The following RCAN2 variants were observed in gnomAD, a reference collection of about 807,000 sequenced individuals.
RCAN2 encodes the protein calcipressin-2.
A neutral mutation model predicts 23.6 loss-of-function variants in RCAN2; 9 were observed. The observed-to-expected ratio is 0.38, with a 90% CI of 0.23 to 0.67. The LOEUF (loss-of-function observed/expected upper bound fraction) is 0.67. Among genes scored for constraint, RCAN2 ranks in the 30% least tolerant of loss-of-function variants. The pLI, the probability that RCAN2 is intolerant of heterozygous loss-of-function variation, is 0.51. For synonymous variants in RCAN2, 109 were observed against 115.7 expected, an observed-to-expected ratio of 0.94 and a Z score of 0.37; for missense variants, 273 against 302.3, an observed-to-expected ratio of 0.90 and a Z score of 0.72.
At chr6:46,252,998 C>T (rs1766786853) in intron 2 of RCAN2, among the ~76,000 whole-genome samples, 1 of 152,142 alleles carries the variant, frequency 6.6e-6, no homozygotes, top group African/African-American at 2.4e-5. Context: ...ATCCATTTAT[C>T]TATTTTTCAC....
chr6:46,250,505 T>G (rs1164368730), intron 2 of RCAN2, among the ~76,000 whole-genome samples: 3 of 152,182 alleles, frequency 2.0e-5, no homozygotes, highest in Admixed American at 1.3e-4. Flanking sequence ...GAATTTTAAC[T>G]AGGAATGGAC....
intron 2 of RCAN2, among the ~76,000 whole-genome samples, chr6:46,453,282 C>G (rs188814040): frequency 1.3e-4 from 20 of 152,190 alleles, no homozygotes; most frequent in Admixed American, 1.2e-3. Flanking sequence ...AGCTGTAGCA[C>G]GCACACAGCA....
rs1287718257 is a variant in RCAN2 at position 46,318,591 on chromosome 6, A to G, written c.226-69695T>C. ...TTTCTATTCAACTCACTTGCCAAGAATCTTCTTTGGGCCCTTAATCCCTTG... is the reference window on the plus strand; with the variant it reads ...TTTCTATTCAACTCACTTGCCAAGAGTCTTCTTTGGGCCCTTAATCCCTTG... On this transcript the variant is annotated intron_variant, in intron 2 of 4. Coordinates refer to ENST00000371374, the MANE Select transcript of RCAN2 (RefSeq NM_001251974.2). 2.0e-5 allele frequency among the ~76,000 whole-genome samples: 3 copies of G among 152,112 alleles called. No individual in the cohort carries two copies. The South Asian group carries it at 6.2e-4, about 32-fold the overall frequency.
intron 2 of RCAN2, among the ~76,000 whole-genome samples, chr6:46,256,067 G>C (rs1399033145): frequency 6.6e-6 from 1 of 152,092 alleles, no homozygotes; most frequent in African/African-American, 2.4e-5. Flanking sequence ...GAAAGTGGGA[G>C]AGGTTAGAAT....
intron 2 of RCAN2, among the ~76,000 whole-genome samples, chr6:46,364,365 C>T (rs1218531771): frequency 6.6e-6 from 1 of 152,070 alleles, no homozygotes; most frequent in Non-Finnish European, 1.5e-5. Context: ...AATATCACTT[C>T]CAAAAGTACA....
At chr6:46,417,762 T>G (rs1042378374) in intron 2 of RCAN2, among the ~76,000 whole-genome samples, 3 of 152,320 alleles carry the variant, frequency 2.0e-5, no homozygotes, top group Admixed American at 2.0e-4. Flanking sequence ...AACGCTGTCT[T>G]AAGTATTTGT....
At chr6:46,233,294 C>A (rs1029256181) in intron 4 of RCAN2, among the ~76,000 whole-genome samples, 4 of 152,210 alleles carry the variant, frequency 2.6e-5, no homozygotes, top group Non-Finnish European at 4.4e-5. Flanking sequence ...ATGAAAGACA[C>A]CATCCAAAGA....
At chr6:46,274,002 C>A (rs1337617621) in intron 2 of RCAN2, among the ~76,000 whole-genome samples, 2 of 152,104 alleles carry the variant, frequency 1.3e-5, no homozygotes, top group South Asian at 2.1e-4. Flanking sequence ...GATGAGGAGT[C>A]AGCTGAATGG....
At chr6:46,300,580 C>G (rs1762874205) in intron 2 of RCAN2, among the ~76,000 whole-genome samples, 1 of 151,976 alleles carries the variant, frequency 6.6e-6, no homozygotes, top group South Asian at 2.1e-4. Context: ...CTCATATGCT[C>G]TATTGTTACC....
chr6:46,245,733 G>T (rs767307808), intron 4 of RCAN2, among the ~76,000 whole-genome samples: 1 of 152,148 alleles, frequency 6.6e-6, no homozygotes, highest in Non-Finnish European at 1.5e-5. Flanking sequence ...AAAATGTACT[G>T]ATACCTGAAC....
intron 2 of RCAN2, among the ~76,000 whole-genome samples, chr6:46,321,784 G>C (rs910143212): frequency 1.3e-5 from 2 of 152,326 alleles, no homozygotes; most frequent in Admixed American, 6.5e-5. Flanking sequence ...CTGCAGGTGT[G>C]GAGAACTGAA....
intron 2 of RCAN2, among the ~76,000 whole-genome samples, chr6:46,257,625 G>T (rs1766962350): frequency 6.6e-6 from 1 of 152,078 alleles, no homozygotes; most frequent in African/African-American, 2.4e-5. Flanking sequence ...GAACAGCATG[G>T]GGAAAACTGT....
At chr6:46,402,062 A>G (rs1479740159) in intron 2 of RCAN2, among the ~76,000 whole-genome samples, 1 of 152,226 alleles carries the variant, frequency 6.6e-6, no homozygotes, top group Non-Finnish European at 1.5e-5. Flanking sequence ...GACATAAAAA[A>G]CAGTGCTTGT....
At chr6:46,257,279 G>A (rs2150323635) in intron 2 of RCAN2, among the ~76,000 whole-genome samples, 1 of 152,150 alleles carries the variant, frequency 6.6e-6, no homozygotes, top group South Asian at 2.1e-4. Flanking sequence ...CAGACAGGTG[G>A]CAGACAAATC....
At chr6:46,266,211 C>T (rs1455176674) in intron 2 of RCAN2, among the ~76,000 whole-genome samples, 1 of 152,148 alleles carries the variant, frequency 6.6e-6, no homozygotes, top group Non-Finnish European at 1.5e-5. Context: ...CACTTCCTGA[C>T]TCTGAATAAA....
At chr6:46,333,747 CTG>C (rs1230765267) in intron 2 of RCAN2, among the ~76,000 whole-genome samples, 1 of 152,198 alleles carries the variant, frequency 6.6e-6, no homozygotes, top group East Asian at 1.9e-4. Flanking sequence ...ATTTCTCTTT[CTG>C]TAGGCGCACA....
chr6:46,378,401 G>A (rs1306839677), intron 2 of RCAN2, among the ~76,000 whole-genome samples: 1 of 152,110 alleles, frequency 6.6e-6, no homozygotes, highest in Admixed American at 6.6e-5. Flanking sequence ...AAAGATGGTA[G>A]GTGCTATTAG....
At position 46,227,064 on chromosome 6, in the gene RCAN2, G is replaced by C. The variant is rs530911280; in HGVS notation, c.572-3763C>G. Among the ~76,000 whole-genome samples, 7 of 152,202 alleles carry C rather than the reference G, an allele frequency of 4.6e-5. No homozygotes were observed. The East Asian group carries it at 9.6e-4, about 21-fold the overall frequency. On this transcript the variant is annotated intron_variant, in intron 4 of 4. Transcript: ENST00000371374. The stretch of plus-strand genomic sequence containing the variant: ...GATAATCATGTGGTTTTTGTCTTTG[G>C]TTCTATTTATATGATGGATTATGTT...
intron 2 of RCAN2, among the ~76,000 whole-genome samples, chr6:46,365,584 G>A (rs1765149985): frequency 6.6e-6 from 1 of 152,138 alleles, no homozygotes; most frequent in Admixed American, 6.5e-5. Context: ...TTTGGAGACG[G>A]CTGCTATAAG....
Sources: allele counts gnomAD v4.1 joint callset (sites outside exome capture counted in the v4.1 genomes callset), GRCh38; gene constraint gnomAD v4.1.1; transcripts MANE v1.5; gene names NCBI Gene and HGNC (gene_info 2026-07-23, HGNC 2026-07-21).